The following C10orf90 variants were observed in gnomAD, a reference collection of about 807,000 sequenced individuals.
C10orf90 encodes (E2-independent) E3 ubiquitin-conjugating enzyme FATS.
A neutral mutation model predicts 62.5 loss-of-function variants in C10orf90; 56 were observed. The ratio of observed to expected loss-of-function variants is 0.90; its 90% CI spans 0.72 to 1.12. C10orf90 has a LOEUF of 1.12. C10orf90 is among the 50% of genes most tolerant of loss of function. The probability of loss-of-function intolerance (pLI) is 0.00; values close to 1 mark genes in which losing one functional copy is unlikely to be tolerated. For synonymous variants in C10orf90, 386 were observed against 340.4 expected, an observed-to-expected ratio of 1.13 and a Z score of -1.47; for missense variants, 970 against 880.4, an observed-to-expected ratio of 1.10 and a Z score of -1.29.
At chr10:126,665,308 G>A (rs1422514678) in intron 1 of C10orf90, among the ~76,000 whole-genome samples, 4 of 152,162 alleles carry the variant, frequency 2.6e-5, no homozygotes, top group Admixed American at 2.6e-4. Flanking sequence ...CTTCAACTTG[G>A]TCTGGAAATA....
At chr10:126,565,012 T>TATAA (rs1844297810) in intron 2 of C10orf90, among the ~76,000 whole-genome samples, 8 of 10,248 alleles carry the variant, frequency 7.8e-4, no homozygotes, top group Admixed American at 2.2e-3. Context: ...ATAATATATA[T>TATAA]AATATATATT....
At chr10:126,470,293 G>A (rs1860512087) in intron 4 of C10orf90, 1 of 324,898 alleles carries the variant, frequency 3.1e-6, no homozygotes, top group Non-Finnish European at 6.1e-6. Context: ...AGTAACAATG[G>A]GTACTCCAAT....
At chr10:126,657,791 T>C (rs2133867156) in intron 1 of C10orf90, among the ~76,000 whole-genome samples, 1 of 152,122 alleles carries the variant, frequency 6.6e-6, no homozygotes, top group Admixed American at 6.5e-5. Flanking sequence ...AATTTTTGTA[T>C]TTTTAGTAGA....
At chr10:126,658,461 G>T (rs1025411359) in intron 1 of C10orf90, among the ~76,000 whole-genome samples, 1 of 152,168 alleles carries the variant, frequency 6.6e-6, no homozygotes, top group African/African-American at 2.4e-5. Flanking sequence ...CCATTATTCT[G>T]GTTTGAATGA....
At chr10:126,668,773 A>G (rs1846686068) in intron 1 of C10orf90, among the ~76,000 whole-genome samples, 1 of 152,132 alleles carries the variant, frequency 6.6e-6, no homozygotes, top group African/African-American at 2.4e-5. Context: ...CATTCATTTT[A>G]ACATTAGTGG....
intron 4 of C10orf90, among the ~76,000 whole-genome samples, chr10:126,490,210 A>T (rs1339126243): frequency 6.7e-6 from 1 of 148,626 alleles, no homozygotes; most frequent in East Asian, 1.9e-4. Flanking sequence ...CAGGAAAGAA[A>T]TTCTAACGCA....
intron 2 of C10orf90, among the ~76,000 whole-genome samples, chr10:126,622,194 A>G (rs1023346951): frequency 6.6e-6 from 1 of 152,240 alleles, no homozygotes; most frequent in Non-Finnish European, 1.5e-5. Context: ...TCCCTGGGAC[A>G]TAGTAGCAAT....
At chr10:126,516,013 C>A (rs1320290554) in intron 2 of C10orf90, among the ~76,000 whole-genome samples, 1 of 152,180 alleles carries the variant, frequency 6.6e-6, no homozygotes, top group Non-Finnish European at 1.5e-5. Flanking sequence ...GATGAACTGA[C>A]AATAAAGCTG....
chr10:126,469,168 G>C (rs1860439124), intron 4 of C10orf90, among the ~76,000 whole-genome samples: 1 of 152,200 alleles, frequency 6.6e-6, no homozygotes, highest in Non-Finnish European at 1.5e-5. Flanking sequence ...GGAGGGTACA[G>C]CTGCCCAGGG....
intron 1 of C10orf90, among the ~76,000 whole-genome samples, chr10:126,666,552 G>T (rs891436974): frequency 1.3e-5 from 2 of 152,082 alleles, no homozygotes; most frequent in Non-Finnish European, 2.9e-5. Flanking sequence ...CACGAGGAGG[G>T]GTGTGGGAGA....
intron 2 of C10orf90, among the ~76,000 whole-genome samples, chr10:126,628,406 C>T (rs2804441): frequency 0.57 from 86,643 of 151,884 alleles, 25,013 homozygotes; most frequent in Middle Eastern, 0.68. Context: ...GATGGATAGA[C>T]GAATGGATAA....
Position 126,505,730 on chromosome 10 carries a change from G to A in C10orf90, c.406-645C>T, listed in dbSNP as rs535357333. Reference sequence around the variant, plus strand: ...AGCACTTTGGGAGGCTGAGATGGGCGGATCACCTGAGGTCGTGAGTTTGAG... The same window carrying A: ...AGCACTTTGGGAGGCTGAGATGGGCAGATCACCTGAGGTCGTGAGTTTGAG... On this transcript the variant is annotated intron_variant, in intron 3 of 9. Coordinates refer to ENST00000488181, the MANE Select transcript of C10orf90 (RefSeq NM_001350921.2). 1.7e-4 allele frequency among the ~76,000 whole-genome samples: 26 copies of A among 152,232 alleles called. 1 individual carries two copies. The highest frequency in any genetic ancestry group is 1.5e-3 in the East Asian group (8 of 5,170).
chr10:126,600,343 A>G (rs1036355231), intron 2 of C10orf90, among the ~76,000 whole-genome samples: 1 of 152,150 alleles, frequency 6.6e-6, no homozygotes, highest in Non-Finnish European at 1.5e-5. Context: ...CCAGGGCAAT[A>G]TTATTATCTT....
At chr10:126,434,287 T>A (rs1857772454) in intron 7 of C10orf90, among the ~76,000 whole-genome samples, 1 of 152,150 alleles carries the variant, frequency 6.6e-6, no homozygotes, top group Admixed American at 6.5e-5. Context: ...GGCCTCAATA[T>A]TCAGACAGTT....
intron 1 of C10orf90, among the ~76,000 whole-genome samples, chr10:126,658,870 A>G (rs1382575630): frequency 6.6e-6 from 1 of 152,184 alleles, no homozygotes; most frequent in Non-Finnish European, 1.5e-5. Context: ...TGAGATTACA[A>G]GCGTGAGCCA....
chr10:126,607,661 C>T (rs1481974692), intron 2 of C10orf90, among the ~76,000 whole-genome samples: 1 of 151,920 alleles, frequency 6.6e-6, no homozygotes, highest in Non-Finnish European at 1.5e-5. Flanking sequence ...ATAAAATGTA[C>T]CAATATTTAG....
intron 2 of C10orf90, among the ~76,000 whole-genome samples, chr10:126,563,701 C>T (rs1472441722): frequency 6.6e-6 from 1 of 152,188 alleles, no homozygotes; most frequent in Non-Finnish European, 1.5e-5. Context: ...GAACACAACC[C>T]ATGGTATCCT....
intron 4 of C10orf90, chr10:126,502,592 T>C (rs2133879329): frequency 4.1e-6 from 1 of 245,836 alleles, no homozygotes; most frequent in South Asian, 4.3e-5. Flanking sequence ...CTCTCATTAT[T>C]AATGAAGAGC....
chr10:126,494,727 A>G (rs528354982), intron 4 of C10orf90, among the ~76,000 whole-genome samples: 5 of 152,346 alleles, frequency 3.3e-5, no homozygotes, highest in Middle Eastern at 3.4e-3. Context: ...GACAACAGCC[A>G]TATAATGGAC....
Sources: allele counts gnomAD v4.1 joint callset (sites outside exome capture counted in the v4.1 genomes callset), GRCh38; gene constraint gnomAD v4.1.1; transcripts MANE v1.5; gene names NCBI Gene and HGNC (gene_info 2026-07-23, HGNC 2026-07-21).